The following ZNF777 variants were observed in gnomAD, a reference collection of about 807,000 sequenced individuals.
ZNF777 encodes zinc finger protein 777.
A neutral mutation model predicts 72.1 loss-of-function variants in ZNF777; 7 were observed. That is an observed-to-expected ratio of 0.10 (90% CI 0.06 to 0.18). The LOEUF (loss-of-function observed/expected upper bound fraction) is 0.18. Among genes scored for constraint, ZNF777 ranks in the 10% least tolerant of loss-of-function variants. ZNF777 has a pLI of 1.00. For synonymous variants in ZNF777, 545 were observed against 483.5 expected, an observed-to-expected ratio of 1.13 and a Z score of -1.67; for missense variants, 828 against 1,128.6, an observed-to-expected ratio of 0.73 and a Z score of 3.82.
intron 4 of ZNF777, among the ~76,000 whole-genome samples, chr7:149,445,995 A>AT (rs1024450561): frequency 6.6e-6 from 1 of 152,212 alleles, no homozygotes; most frequent in Non-Finnish European, 1.5e-5. Context: ...CCAATTTCAG[A>AT]TTCAGCTCAC....
intron 4 of ZNF777, among the ~76,000 whole-genome samples, chr7:149,442,902 T>C (rs890578615): frequency 6.6e-6 from 1 of 152,208 alleles, no homozygotes; most frequent in African/African-American, 2.4e-5. Flanking sequence ...GATAAAAAGA[T>C]AAATAATACC....
intron 4 of ZNF777, among the ~76,000 whole-genome samples, chr7:149,447,501 C>T (rs1416798657): frequency 6.6e-6 from 1 of 152,332 alleles, no homozygotes; most frequent in South Asian, 2.1e-4. Flanking sequence ...TGGGGGCCAC[C>T]CTTAGCACCT....
chr7:149,431,965 C>A lies in ZNF777; in HGVS notation c.2307G>T (p.Arg769=). The change falls in exon 6 of 6, where the codon CGG becomes CGT. Residue 769 remains arginine (R), a synonymous_variant. Transcript: ENST00000247930. ...AGGGCCGCTCGCCTGTGTGGATGCGCCGGTGTTCCAGGAGGTGGTGCTTGC... is the reference window on the plus strand; with the variant it reads ...AGGGCCGCTCGCCTGTGTGGATGCGACGGTGTTCCAGGAGGTGGTGCTTGC... ...FIRKHHLLEH[R]RIHTGERPYH... is the part of the protein sequence containing the mutation. 6.2e-7 allele frequency: 1 copy of A among 1,611,360 alleles called. No homozygotes were observed. Among genetic ancestry groups the A allele is most frequent in the African/African-American group, 1.3e-5 (1 of 74,980 alleles).
In ZNF777 at chr7:149,455,876, G is replaced by A. The variant is rs779718496; in HGVS notation, c.147C>T (p.Thr49=). Reference sequence around the variant, plus strand: ...GGGGCAGGGAGCCTTGACGGGGAATGGTGGGAGACAAAGAAGGAATTTCTT... The same window carrying A: ...GGGGCAGGGAGCCTTGACGGGGAATAGTGGGAGACAAAGAAGGAATTTCTT... ...PPKEIPSLSP[T]IPRQGSLPQT... is the part of the protein sequence containing the mutation. The change falls in exon 2 of 6, where the codon ACC becomes ACT. Residue 49 remains threonine, a synonymous_variant. Coordinates refer to ENST00000247930, the MANE Select transcript of ZNF777 (RefSeq NM_015694.3). This position sits in a 1 kb window ranked among gnomAD's most constrained non-coding sequence, Gnocchi z 4.2. The A allele has an allele frequency of 1.9e-6, 3 of 1,613,956 alleles. No homozygotes were observed. The highest frequency in any genetic ancestry group is 2.2e-5 in the South Asian group (2 of 91,064).
chr7:149,448,629 A>G (rs1285861702), intron 4 of ZNF777, among the ~76,000 whole-genome samples: 2 of 145,564 alleles, frequency 1.4e-5, no homozygotes, highest in East Asian at 3.9e-4. Flanking sequence ...ATACATATAT[A>G]TTTTAAGACT....
chr7:149,440,122 T>A (rs916980019), intron 4 of ZNF777, among the ~76,000 whole-genome samples: 27 of 152,208 alleles, frequency 1.8e-4, no homozygotes, highest in Non-Finnish European at 1.0e-4. Context: ...AACATGATCA[T>A]CAAAAACTGT....
In ZNF777 at chr7:149,446,322, G is replaced by A. The variant is rs569845891; in HGVS notation, c.1087+4677C>T. On this transcript the variant is annotated intron_variant, in intron 4 of 5. Coordinates refer to ENST00000247930, the MANE Select transcript of ZNF777 (RefSeq NM_015694.3). ...ATCCTGGAGGCGGAGGTTGCAGTGA[G>A]CCAAGATCGCGCCATTGCACTCCGG... Among the ~76,000 whole-genome samples, 79 of 152,124 alleles carry A rather than the reference G, an allele frequency of 5.2e-4. 1 individual carries two copies. The highest frequency in any genetic ancestry group is 1.9e-3 in the African/African-American group (77 of 41,500).
intron 4 of ZNF777, among the ~76,000 whole-genome samples, chr7:149,437,148 T>C (rs1407029372): frequency 6.6e-6 from 1 of 152,304 alleles, no homozygotes; most frequent in Non-Finnish European, 1.5e-5. Flanking sequence ...TCTCACTCTG[T>C]CACCCAGGCT....
chr7:149,439,170 C>T lies in ZNF777; in HGVS notation c.1088-2344G>A, dbSNP rs143230518. The stretch of plus-strand genomic sequence containing the variant: ...CTTGTTTCCTTAGCCCTGCCCATTT[C>T]TTTCTCCCTGGAGTTTTGCTCCATT... On this transcript the variant is annotated intron_variant, in intron 4 of 5. Transcript: ENST00000247930. Among the ~76,000 whole-genome samples the T allele has an allele frequency of 3.4e-3, 517 of 152,126 alleles. 1 individual carries two copies. Among genetic ancestry groups the T allele is most frequent in the African/African-American group, 0.012 (486 of 41,530 alleles).
In ZNF777 at chr7:149,436,461, G is replaced by T; in HGVS notation, c.1339+114C>A. 1 of 1,262,084 alleles carries T rather than the reference G, an allele frequency of 7.9e-7. No individual in the cohort carries two copies. Among genetic ancestry groups the T allele is most frequent in the Non-Finnish European group, 1.1e-6 (1 of 918,602 alleles). 78.2% of individuals were successfully genotyped at this position (1,262,084 alleles called of 1,614,324 possible). A position where few individuals can be genotyped will look rare whatever the true frequency, so the allele number is the denominator to read the frequency against. The stretch of plus-strand genomic sequence containing the variant: ...GCTTGGTAATTCTTTCCCACCTGTT[G>T]CCCCATCAGTGTCCAGCTACCTCTC... On this transcript the variant is annotated intron_variant, in intron 5 of 5. Transcript: ENST00000247930. The surrounding 1 kb of genome is among the most constrained non-coding windows in gnomAD (Gnocchi z 5.0).
rs908927463 is a variant in ZNF777 at position 149,450,411 on chromosome 7, A to G, written c.1087+588T>C. ...TTCTATTTTATAGATGAGGAAACTG[A>G]GACTCTGAAAAGATCAAGCAACTGA... On this transcript the variant is annotated intron_variant, in intron 4 of 5. Coordinates refer to ENST00000247930, the MANE Select transcript of ZNF777 (RefSeq NM_015694.3). 2.6e-5 allele frequency among the ~76,000 whole-genome samples: 4 copies of G among 152,212 alleles called. No individual in the cohort carries two copies. In the East Asian group the frequency reaches 7.7e-4, roughly 29 times the overall value.
intron 4 of ZNF777, among the ~76,000 whole-genome samples, chr7:149,438,547 C>T (rs891563511): frequency 1.8e-4 from 28 of 152,220 alleles, no homozygotes; most frequent in African/African-American, 6.0e-4. Context: ...TGTGGTCTAA[C>T]GGCTTTTGAT....
intron 1 of ZNF777, among the ~76,000 whole-genome samples, chr7:149,458,324 G>A (rs1168924764): frequency 3.3e-5 from 5 of 152,168 alleles, no homozygotes; most frequent in Non-Finnish European, 5.9e-5. Flanking sequence ...GGGCCCTGGA[G>A]GCTAGGCGCC....
chr7:149,434,840 A>C (rs2116569790), intron 5 of ZNF777, among the ~76,000 whole-genome samples: 1 of 152,294 alleles, frequency 6.6e-6, no homozygotes, highest in African/African-American at 2.4e-5. Context: ...CGCCTGCCCC[A>C]GCTTCCCAAA....
chr7:149,447,858 T>C (rs1799631666), intron 4 of ZNF777, among the ~76,000 whole-genome samples: 1 of 151,922 alleles, frequency 6.6e-6, no homozygotes, highest in Non-Finnish European at 1.5e-5. Flanking sequence ...GCCCGTGCTT[T>C]CATCTGTGGG....
In ZNF777 at chr7:149,431,941, G is replaced by C; in HGVS notation, c.2331C>G (p.Pro777=). The change falls in exon 6 of 6, where the codon CCC becomes CCG. Residue 777 remains proline, a synonymous_variant. Coordinates refer to ENST00000247930, the MANE Select transcript of ZNF777 (RefSeq NM_015694.3). ...GCTTGCCGCACTCGGCGCAGTGGTA[G>C]GGCCGCTCGCCTGTGTGGATGCGCC... The part of the protein sequence containing the change: ...EHRRIHTGER[P]YHCAECGKRF... 1 of 1,610,814 alleles carries C rather than the reference G, an allele frequency of 6.2e-7. No individual in the cohort carries two copies. The highest frequency in any genetic ancestry group is 8.5e-7 in the Non-Finnish European group (1 of 1,179,532).
At chr7:149,435,793 C>A (rs1402199114) in intron 5 of ZNF777, among the ~76,000 whole-genome samples, 1 of 152,062 alleles carries the variant, frequency 6.6e-6, no homozygotes, top group African/African-American at 2.4e-5. Flanking sequence ...CAAAAGCTGC[C>A]CAGTTCATCT....
intron 5 of ZNF777, among the ~76,000 whole-genome samples, chr7:149,433,134 T>C (rs940372975): frequency 6.6e-6 from 1 of 152,228 alleles, no homozygotes; most frequent in African/African-American, 2.4e-5. Context: ...CAGACTGGCC[T>C]TGCTGTTTGC....
intron 4 of ZNF777, among the ~76,000 whole-genome samples, chr7:149,447,962 T>C (rs977888590): frequency 5.3e-5 from 8 of 152,170 alleles, no homozygotes; most frequent in African/African-American, 1.9e-4. Context: ...CAGTACCTGC[T>C]ACCAAAGAGA....
Sources: allele counts gnomAD v4.1 joint callset (sites outside exome capture counted in the v4.1 genomes callset), GRCh38; gene constraint gnomAD v4.1.1; non-coding constraint Gnocchi (gnomAD v3.1); transcripts MANE v1.5; gene names NCBI Gene and HGNC (gene_info 2026-07-23, HGNC 2026-07-21).